PARP11: variants seen among roughly 807,000 people sequenced by gnomAD.
The protein encoded by PARP11 is protein mono-ADP-ribosyltransferase PARP11.
A neutral mutation model predicts 42.9 loss-of-function variants in PARP11; 31 were observed. That is an observed-to-expected ratio of 0.72 (90% CI 0.54 to 0.98). The LOEUF is 0.98. PARP11 is among the 50% of genes least tolerant of loss of function. The pLI is 0.00. For synonymous variants in PARP11, 137 were observed against 127.3 expected (o/e 1.08, Z -0.51); for missense variants, 365 against 413.1 (o/e 0.88, Z 1.01).
chr12:3,826,934 T>C (rs1161725748), intron 3 of PARP11, among the ~76,000 whole-genome samples: 2 of 152,228 alleles, frequency 1.3e-5, no homozygotes, highest in Admixed American at 6.5e-5. Context: ...AGCCAGTTTA[T>C]CTCATCTAAT....
At position 3,811,988 on chromosome 12, in the gene PARP11, A is replaced by G; in HGVS notation, c.*135T>C. On this transcript the variant is annotated 3_prime_UTR_variant, in exon 8 of 8. Coordinates refer to ENST00000228820, the MANE Select transcript of PARP11 (RefSeq NM_020367.6). The stretch of plus-strand genomic sequence containing the variant: ...AACCTTGAAGTCAGTATGTCTTTTT[A>G]TATGGAGGCCACTTTTTTTCATATC... 1.5e-6 allele frequency: 1 copy of G among 658,564 alleles called. No homozygotes were observed. Among genetic ancestry groups the G allele is most frequent in the East Asian group, 2.8e-5 (1 of 35,408 alleles). The allele number at this position is 658,564 out of a possible 1,614,324, so 40.8% of individuals were successfully genotyped here. A position where few individuals can be genotyped will look rare whatever the true frequency, so the allele number is the denominator to read the frequency against.
chr12:3,873,121 G>T (rs1226702600), intron 1 of PARP11, 91 bp downstream of exon 1: 2 of 1,221,308 alleles, frequency 1.6e-6, no homozygotes, highest in African/African-American at 1.5e-5. Flanking sequence ...AGACTGAAGC[G>T]AGCGCGGGGA....
intron 1 of PARP11, chr12:3,842,413 C>T (rs1453374186): frequency 8.1e-6 from 13 of 1,608,856 alleles, no homozygotes; most frequent in South Asian, 2.2e-5. Flanking sequence ...AAGCAGAAGT[C>T]GGGATGAAGG....
intron 1 of PARP11, among the ~76,000 whole-genome samples, chr12:3,857,943 G>C (rs921577961): frequency 1.3e-5 from 2 of 152,216 alleles, no homozygotes; most frequent in Non-Finnish European, 2.9e-5. Flanking sequence ...ACAGTGAACA[G>C]AGATAAGGGT....
chr12:3,820,213 G>A (rs1265797454), intron 6 of PARP11, among the ~76,000 whole-genome samples: 1 of 152,188 alleles, frequency 6.6e-6, no homozygotes, highest in Admixed American at 6.5e-5. Flanking sequence ...AGACATTTTT[G>A]TTAGAAGAAG....
chr12:3,817,456 C>T (rs1947315888), intron 6 of PARP11, among the ~76,000 whole-genome samples: 1 of 152,074 alleles, frequency 6.6e-6, no homozygotes, highest in African/African-American at 2.4e-5. Context: ...CCACTACTCC[C>T]ACTACTAAGG....
chr12:3,871,975 GATCCCTCTCCTACAA>G (rs368745096), intron 1 of PARP11: 1 of 152,158 alleles, frequency 6.6e-6, no homozygotes, highest in East Asian at 1.9e-4. Context: ...TAGAAACTAG[GATCCCTCTCCTACAA>G]AGCAAGCCAT....
At chr12:3,820,228 G>T (rs1433952484) in intron 6 of PARP11, among the ~76,000 whole-genome samples, 4 of 152,222 alleles carry the variant, frequency 2.6e-5, no homozygotes, top group Non-Finnish European at 5.9e-5. Flanking sequence ...AAGAAGTGGG[G>T]AAAGTAAGAG....
intron 1 of PARP11, chr12:3,842,531 A>C: frequency 1.3e-6 from 2 of 1,533,164 alleles, no homozygotes; most frequent in Admixed American, 1.8e-5. Flanking sequence ...TTGTTGCCGA[A>C]GTATTTTCTA....
chr12:3,820,718 G>A (rs1947374694), intron 6 of PARP11, among the ~76,000 whole-genome samples: 1 of 152,242 alleles, frequency 6.6e-6, no homozygotes, highest in South Asian at 2.1e-4. Context: ...AGGAGGCAGA[G>A]GCTTCTGTCT....
At chr12:3,856,071 C>A (rs973573814) in intron 1 of PARP11, among the ~76,000 whole-genome samples, 2 of 151,314 alleles carry the variant, frequency 1.3e-5, no homozygotes, top group African/African-American at 4.8e-5. Context: ...GGAAAACTGG[C>A]TAGAAAGCTG....
chr12:3,855,198 A>C (rs1053938872), intron 1 of PARP11, among the ~76,000 whole-genome samples: 1 of 152,230 alleles, frequency 6.6e-6, no homozygotes, highest in Non-Finnish European at 1.5e-5. Flanking sequence ...CAAAAACTGG[A>C]AGCATTCCCT....
At position 3,840,569 on chromosome 12, in the gene PARP11, G is replaced by A. The variant is rs889154882; in HGVS notation, c.19-10551C>T. ...TCACAGATCATAAGAAAACCTGATC[G>A]TGAAAGAGTTGAGGATTCTGATCAC... On this transcript the variant is annotated intron_variant, in intron 1 of 7. Transcript: ENST00000228820. This position sits in a 1 kb window ranked among gnomAD's most constrained non-coding sequence, Gnocchi z 4.4. 23 of 1,531,548 alleles carry A rather than the reference G, an allele frequency of 1.5e-5. No individual in the cohort carries two copies. In the Admixed American group the frequency reaches 1.8e-4, roughly 12 times the overall value. 94.9% of individuals were successfully genotyped at this position (1,531,548 alleles called of 1,614,324 possible).
chr12:3,838,497 G>A (rs1947809495), intron 1 of PARP11, among the ~76,000 whole-genome samples: 1 of 151,940 alleles, frequency 6.6e-6, no homozygotes, highest in Non-Finnish European at 1.5e-5. Flanking sequence ...TATCAAAAAA[G>A]TACACTTCTA....
chr12:3,839,555 G>A, intron 1 of PARP11: 1 of 1,470,472 alleles, frequency 6.8e-7, no homozygotes, highest in Non-Finnish European at 9.5e-7. Flanking sequence ...ATTATAGGAG[G>A]ATCATTTGAA....
At chr12:3,851,502 C>G (rs1948094424) in intron 1 of PARP11, among the ~76,000 whole-genome samples, 1 of 152,244 alleles carries the variant, frequency 6.6e-6, no homozygotes, top group Non-Finnish European at 1.5e-5. Flanking sequence ...GAGCCTTGCT[C>G]ACTGCTAGCG....
At chr12:3,860,350 C>G (rs1024465767) in intron 1 of PARP11, among the ~76,000 whole-genome samples, 31 of 152,130 alleles carry the variant, frequency 2.0e-4, no homozygotes, top group African/African-American at 7.5e-4. Flanking sequence ...ACCCTAAAAG[C>G]AATTCAGAGA....
intron 1 of PARP11, among the ~76,000 whole-genome samples, chr12:3,836,684 G>A (rs550657297): frequency 6.6e-6 from 1 of 152,188 alleles, no homozygotes; most frequent in East Asian, 1.9e-4. Flanking sequence ...TGCCCCCACA[G>A]AAAACCAAAA....
In PARP11 at chr12:3,809,038, G is replaced by A. The variant is rs1180006855; in HGVS notation, c.*3085C>T. 1 of 134,688 alleles carries A rather than the reference G, an allele frequency of 7.4e-6. No homozygotes were observed. Among genetic ancestry groups the A allele is most frequent in the Non-Finnish European group, 1.6e-5 (1 of 61,278 alleles). The allele number at this position is 134,688 out of a possible 1,614,324, so 8.3% of individuals were successfully genotyped here. A position where few individuals can be genotyped will look rare whatever the true frequency, so the allele number is the denominator to read the frequency against. On this transcript the variant is annotated 3_prime_UTR_variant, in exon 8 of 8. Transcript: ENST00000228820. Reference sequence around the variant, plus strand: ...TATGAAACTTTTTTTTTTACCCTGAGGCTGATATCACCAAGGTGAAAAAGA... The same window carrying A: ...TATGAAACTTTTTTTTTTACCCTGAAGCTGATATCACCAAGGTGAAAAAGA...
Sources: gnomAD v4.1 joint callset for allele counts (sites outside exome capture counted in the v4.1 genomes callset) on GRCh38, gnomAD v4.1.1 for gene constraint, Gnocchi (gnomAD v3.1) non-coding constraint, MANE v1.5 for transcripts, NCBI Gene and HGNC (gene_info 2026-07-23, HGNC 2026-07-21) for gene names.